Variants in IPO7 observed in about 807,000 individuals in gnomAD.
IPO7 encodes importin 7, also known as importin-7.
IPO7 carries 13 observed loss-of-function variants against 136.4 expected under a neutral mutation model. The ratio of observed to expected loss-of-function variants is 0.10; its 90% CI spans 0.06 to 0.15. The LOEUF (loss-of-function observed/expected upper bound fraction) is 0.15, where lower values mean the gene tolerates loss of function less well. Among genes scored for constraint, IPO7 ranks in the 10% least tolerant of loss-of-function variants. The pLI, the probability that IPO7 is intolerant of heterozygous loss-of-function variation, is 1.00. For synonymous variants in IPO7, 403 were observed against 404.4 expected, an observed-to-expected ratio of 1.00 and a Z score of 0.04; for missense variants, 857 against 1,240.6, an observed-to-expected ratio of 0.69 and a Z score of 4.65.
chr11:9,403,142 A>G lies in IPO7; in HGVS notation c.85-148A>G, dbSNP rs546730129. On this transcript the variant is annotated intron_variant, in intron 1 of 24. Transcript: ENST00000379719. The stretch of plus-strand genomic sequence containing the variant: ...CATCAAATTCCTTAAAGTTCAATAT[A>G]AGGGAGTGATGAGAAATAAGACTGG... The G allele has an allele frequency of 1.7e-4, 114 of 665,448 alleles. No homozygotes were observed. The South Asian group carries it at 1.8e-3, about 11-fold the overall frequency. The allele number at this position is 665,448 out of a possible 1,614,324, so 41.2% of individuals were successfully genotyped here.
At chr11:9,388,805 C>T (rs1245904061) in intron 1 of IPO7, among the ~76,000 whole-genome samples, 2 of 152,108 alleles carry the variant, frequency 1.3e-5, no homozygotes, top group African/African-American at 4.8e-5. Context: ...CCTCAAGCAG[C>T]GTCCTCCCAT....
rs1242495170 is a variant in IPO7, at chr11:9,440,660, A to G, written c.2901A>G (p.Gln967=). The G allele has an allele frequency of 1.2e-6, 2 of 1,600,674 alleles. No homozygotes were observed. Among genetic ancestry groups the G allele is most frequent in the Admixed American group, 1.7e-5 (1 of 60,002 alleles). The change falls in exon 23 of 25, where the codon CAA becomes CAG. Residue 967 remains glutamine, a splice_region_variant and synonymous_variant. Coordinates refer to ENST00000379719, the MANE Select transcript of IPO7 (RefSeq NM_006391.3). The stretch of plus-strand genomic sequence containing the variant: ...ATCAGATATTTAAAGCTATCTTTCA[A>G]AGTAAGTCAACTTGTTACATGTGGA... ...DEYQIFKAIF[Q]TIQNRNPVWY...
intron 13 of IPO7, 53 bp from the exon 14 acceptor site, chr11:9,428,978 T>G: frequency 2.7e-6 from 4 of 1,474,102 alleles, no homozygotes; most frequent in Non-Finnish European, 3.8e-6. Context: ...GAGATTAGCT[T>G]GGGGGAATTT....
chr11:9,428,813 GTGTC>G (rs539625364), intron 13 of IPO7, 184 bp downstream of exon 13: 5 of 781,760 alleles, frequency 6.4e-6, no homozygotes, highest in East Asian at 2.4e-5. Flanking sequence ...TCTGGTAGCA[GTGTC>G]TGTCTGTGTT....
intron 1 of IPO7, among the ~76,000 whole-genome samples, chr11:9,395,679 T>C (rs1319019455): frequency 6.6e-6 from 1 of 152,178 alleles, no homozygotes; most frequent in Non-Finnish European, 1.5e-5. Flanking sequence ...GAAATATACT[T>C]TCTTATTTTT....
At position 9,430,887 on chromosome 11, in the gene IPO7, A is replaced by C; in HGVS notation, c.1765A>C (p.Asn589His). 4 of 1,611,884 alleles carry C rather than the reference A, an allele frequency of 2.5e-6. No homozygotes were observed. Among genetic ancestry groups the C allele is most frequent in the Non-Finnish European group, 3.4e-6 (4 of 1,179,302 alleles). ...EMTQHLAMTF[N>H]QVIQTGPDEE... ...CTCTTGAATCTAGGCAATGACATTT[A>C]ACCAAGTAATCCAGACGGGGCCAGA... is the stretch of plus-strand genomic sequence containing the variant. The change falls in exon 16 of 25, where the codon AAC becomes CAC. Residue 589 changes from asparagine to histidine, a missense_variant. By Grantham distance (68) the Asn-to-His change is moderately conservative. This residue lies in a region of IPO7 where 58 missense variants were observed against 122.1 expected (regional missense o/e 0.47). Coordinates refer to ENST00000379719, the MANE Select transcript of IPO7 (RefSeq NM_006391.3).
chr11:9,434,715 T>C (rs2133761435), intron 18 of IPO7, among the ~76,000 whole-genome samples: 1 of 152,182 alleles, frequency 6.6e-6, no homozygotes, highest in South Asian at 2.1e-4. Context: ...ATCACCTGAG[T>C]CCAGGATTTT....
intron 1 of IPO7, among the ~76,000 whole-genome samples, chr11:9,387,541 A>G (rs1854568375): frequency 6.6e-6 from 1 of 152,204 alleles, no homozygotes; most frequent in African/African-American, 2.4e-5. Flanking sequence ...TTTAAAATTA[A>G]TTTTATTTGG....
intron 4 of IPO7, among the ~76,000 whole-genome samples, chr11:9,413,488 A>G (rs1450484242): frequency 1.3e-5 from 2 of 151,942 alleles, no homozygotes; most frequent in Non-Finnish European, 2.9e-5. Context: ...TTCCTAATTT[A>G]TTATTTATAA....
intron 5 of IPO7, chr11:9,414,618 TC>T: frequency 5.0e-6 from 1 of 200,840 alleles, no homozygotes; most frequent in South Asian, 1.3e-4. Context: ...CCCTAATGAA[TC>T]TTTTTTTTTT....
intron 23 of IPO7, among the ~76,000 whole-genome samples, chr11:9,440,975 AC>A (rs1855453248): frequency 6.6e-6 from 1 of 152,176 alleles, no homozygotes. Context: ...AACCACTCTT[AC>A]GTGTATACCT....
chr11:9,438,200 C>G lies in IPO7; in HGVS notation c.2610C>G (p.Asn870Lys). 3 of 1,613,026 alleles carry G rather than the reference C, an allele frequency of 1.9e-6. No individual in the cohort carries two copies. Among genetic ancestry groups the G allele is most frequent in the Non-Finnish European group, 2.5e-6 (3 of 1,179,784 alleles). ...QILPAFILLFNGLKRAYACHA... is the reference protein window; with the variant it reads ...QILPAFILLFKGLKRAYACHA... ...TGCCGGCTTTTATCCTTTTATTTAA[C>G]GGATTGAAAAGAGCATATGCCTGCC... is the stretch of plus-strand genomic sequence containing the variant. The change falls in exon 22 of 25, where the codon AAC becomes AAG. Residue 870 changes from asparagine to lysine, a missense_variant. Asn to Lys is a moderately conservative substitution (Grantham distance 94). This residue lies in a region of IPO7 where 7 missense variants were observed against 45.6 expected (regional missense o/e 0.15). Transcript: ENST00000379719.
intron 1 of IPO7, among the ~76,000 whole-genome samples, chr11:9,389,302 G>A (rs1157710103): frequency 1.3e-5 from 2 of 152,112 alleles, no homozygotes; most frequent in African/African-American, 2.4e-5. Flanking sequence ...ACTCACCTTG[G>A]CCTCCCAAAG....
At chr11:9,394,446 C>T (rs1290432574) in intron 1 of IPO7, among the ~76,000 whole-genome samples, 1 of 152,144 alleles carries the variant, frequency 6.6e-6, no homozygotes, top group Non-Finnish European at 1.5e-5. Context: ...AGGCCTGTTG[C>T]TACTACCTGT....
intron 18 of IPO7, 100 bp from the exon 19 acceptor site, chr11:9,434,834 A>G: frequency 1.3e-6 from 1 of 775,788 alleles, no homozygotes; most frequent in South Asian, 1.4e-5. Context: ...TAGAGACAAA[A>G]TGATCTCATA....
intron 1 of IPO7, among the ~76,000 whole-genome samples, chr11:9,400,784 T>A (rs1270175558): frequency 1.3e-5 from 2 of 152,122 alleles, no homozygotes. Context: ...TGTGAAATAA[T>A]TTTTTACATT....
chr11:9,438,687 C>T (rs949520541), intron 22 of IPO7, among the ~76,000 whole-genome samples: 2 of 151,994 alleles, frequency 1.3e-5, no homozygotes, highest in African/African-American at 4.8e-5. Context: ...TGGGATCATA[C>T]CCAAATGCTT....
At chr11:9,393,511 C>T (rs1364884829) in intron 1 of IPO7, among the ~76,000 whole-genome samples, 1 of 152,110 alleles carries the variant, frequency 6.6e-6, no homozygotes, top group Admixed American at 6.5e-5. Context: ...TCCCTAGTAG[C>T]TGGGATAACA....
rs2133735319 is a variant in IPO7 at position 9,407,207 on chromosome 11, A to G, written c.167-1279A>G. Among the ~76,000 whole-genome samples, 3 of 152,324 alleles carry G rather than the reference A, an allele frequency of 2.0e-5. No homozygotes were observed. In the South Asian group the frequency reaches 6.2e-4, roughly 32 times the overall value. Reference sequence around the variant, plus strand: ...ATTCTGTTTTGGAGAAAAAGAACCAAAATTCTGTAGTAGTAATAACCTGGA... The same window carrying G: ...ATTCTGTTTTGGAGAAAAAGAACCAGAATTCTGTAGTAGTAATAACCTGGA... On this transcript the variant is annotated intron_variant, in intron 2 of 24. Transcript: ENST00000379719.
Sources: allele counts gnomAD v4.1 joint callset (sites outside exome capture counted in the v4.1 genomes callset), GRCh38; gene constraint gnomAD v4.1.1; regional missense constraint gnomAD v4.1.1; transcripts MANE v1.5; gene names NCBI Gene and HGNC (gene_info 2026-07-23, HGNC 2026-07-21).